Variants in FRMD4B observed in about 807,000 individuals in gnomAD.
FRMD4B encodes the protein FERM domain-containing protein 4B.
Under a neutral mutation model 141.5 loss-of-function variants are expected in FRMD4B, and 74 were observed. That is an observed-to-expected ratio of 0.52 (90% CI 0.43 to 0.63). FRMD4B has a LOEUF of 0.63. FRMD4B is among the 30% of genes least tolerant of loss of function. The pLI is 0.00. For synonymous variants in FRMD4B, 506 were observed against 467.9 expected, an observed-to-expected ratio of 1.08 and a Z score of -1.05; for missense variants, 1,366 against 1,253.4, an observed-to-expected ratio of 1.09 and a Z score of -1.36.
intron 4 of FRMD4B, 136 bp downstream of exon 4, chr3:69,302,207 T>G: frequency 3.1e-6 from 2 of 635,866 alleles, no homozygotes; most frequent in South Asian, 3.8e-5. Flanking sequence ...CACATGATAA[T>G]GTTTTGATAG....
chr3:69,286,936 C>A (rs988973508), intron 5 of FRMD4B, among the ~76,000 whole-genome samples: 7 of 152,184 alleles, frequency 4.6e-5, no homozygotes, highest in African/African-American at 1.7e-4. Flanking sequence ...TCCCGAGTAG[C>A]TGGGATTACA....
chr3:69,266,945 G>A (rs2093564870), intron 5 of FRMD4B, among the ~76,000 whole-genome samples: 1 of 152,198 alleles, frequency 6.6e-6, no homozygotes, highest in South Asian at 2.1e-4. Context: ...ACCTCCTTGT[G>A]AGATGCAACT....
At chr3:69,485,393 G>T (rs1039662670) in intron 1 of FRMD4B, among the ~76,000 whole-genome samples, 3 of 152,142 alleles carry the variant, frequency 2.0e-5, no homozygotes, top group African/African-American at 4.8e-5. Context: ...GCACCAGGGT[G>T]GGGGGCTCCT....
intron 5 of FRMD4B, among the ~76,000 whole-genome samples, chr3:69,275,425 A>ATT (rs2093613090): frequency 1.7e-5 from 2 of 120,312 alleles, no homozygotes; most frequent in African/African-American, 3.0e-5. Context: ...AAATGTTTTT[A>ATT]TTCTCTCTCT....
At chr3:69,358,849 TA>T in intron 1 of FRMD4B, among the ~76,000 whole-genome samples, 1 of 152,226 alleles carries the variant, frequency 6.6e-6, no homozygotes. Context: ...GGGCTTCTAA[TA>T]AAAGATAAGT....
chr3:69,512,321 G>A (rs1017386245), intron 1 of FRMD4B, among the ~76,000 whole-genome samples: 18 of 152,248 alleles, frequency 1.2e-4, no homozygotes, highest in African/African-American at 4.3e-4. Context: ...GGCAAACAAA[G>A]AAGAAAGCCA....
At chr3:69,460,377 A>G (rs7627841) in intron 1 of FRMD4B, among the ~76,000 whole-genome samples, 101,402 of 152,002 alleles carry the variant, frequency 0.67, 34,499 homozygotes, top group East Asian at 0.84. Context: ...ACGGTGATGC[A>G]GTAGGAAGAT....
chr3:69,189,425 A>G (rs1001294590), intron 18 of FRMD4B, among the ~76,000 whole-genome samples: 3 of 152,084 alleles, frequency 2.0e-5, no homozygotes, highest in African/African-American at 7.2e-5. Flanking sequence ...TAAAACATAC[A>G]ATGATTTTAT....
chr3:69,355,121 T>G (rs765638803), intron 1 of FRMD4B, among the ~76,000 whole-genome samples: 5 of 151,948 alleles, frequency 3.3e-5, no homozygotes, highest in Non-Finnish European at 5.9e-5. Flanking sequence ...TGGGCAGAAG[T>G]GGAGATGCTG....
intron 1 of FRMD4B, among the ~76,000 whole-genome samples, chr3:69,487,311 A>T (rs1303960983): frequency 3.3e-5 from 5 of 152,254 alleles, no homozygotes; most frequent in Admixed American, 3.3e-4. Context: ...CCTTTAGATG[A>T]CACTGAGAAA....
At chr3:69,299,123 G>C (rs1267538392) in intron 4 of FRMD4B, among the ~76,000 whole-genome samples, 1 of 151,892 alleles carries the variant, frequency 6.6e-6, no homozygotes, top group Admixed American at 6.6e-5. Context: ...ACCTAGAATG[G>C]GGCAGAACAC....
At chr3:69,395,374 G>T (rs963582899) in intron 2 of FRMD4B, among the ~76,000 whole-genome samples, 7 of 151,942 alleles carry the variant, frequency 4.6e-5, no homozygotes, top group African/African-American at 1.7e-4. Context: ...TACTACCTAG[G>T]TGTACATAGT....
chr3:69,255,933 G>C (rs1424161216), intron 5 of FRMD4B, among the ~76,000 whole-genome samples: 1 of 152,108 alleles, frequency 6.6e-6, no homozygotes, highest in Non-Finnish European at 1.5e-5. Context: ...TTCAAAAATT[G>C]ACAAGAATGA....
chr3:69,375,428 A>G (rs1703946991), intron 1 of FRMD4B, among the ~76,000 whole-genome samples: 1 of 152,140 alleles, frequency 6.6e-6, no homozygotes, highest in Admixed American at 6.5e-5. Context: ...TTTTATAACC[A>G]TCCCAAGAAA....
chr3:69,334,719 A>G (rs773889133), intron 1 of FRMD4B, among the ~76,000 whole-genome samples: 2 of 152,178 alleles, frequency 1.3e-5, no homozygotes, highest in African/African-American at 4.8e-5. Flanking sequence ...TCCAAATCTT[A>G]GCTCCACTGC....
chr3:69,335,641 C>T (rs976142519), intron 1 of FRMD4B, among the ~76,000 whole-genome samples: 14 of 151,706 alleles, frequency 9.2e-5, no homozygotes, highest in Admixed American at 2.6e-4. Flanking sequence ...TAAGGAGCCT[C>T]TCTAGACAAT....
intron 1 of FRMD4B, among the ~76,000 whole-genome samples, chr3:69,369,777 C>A (rs1703773947): frequency 6.6e-6 from 1 of 152,066 alleles, no homozygotes; most frequent in Admixed American, 6.6e-5. Flanking sequence ...TGTATCCTGA[C>A]CAAAATTGTT....
intron 2 of FRMD4B, among the ~76,000 whole-genome samples, chr3:69,397,041 C>T (rs1367169153): frequency 6.6e-6 from 1 of 152,128 alleles, no homozygotes; most frequent in African/African-American, 2.4e-5. Flanking sequence ...CGTATGTTCA[C>T]ACACACAAAT....
chr3:69,222,868 TA>T (rs1333785686), intron 8 of FRMD4B, among the ~76,000 whole-genome samples: 1 of 152,208 alleles, frequency 6.6e-6, no homozygotes, highest in Admixed American at 6.6e-5. Flanking sequence ...ATAATACACA[TA>T]AAATAATGAT....
Sources: allele counts gnomAD v4.1 joint callset (sites outside exome capture counted in the v4.1 genomes callset), GRCh38; gene constraint gnomAD v4.1.1; transcripts MANE v1.5; gene names NCBI Gene and HGNC (gene_info 2026-07-23, HGNC 2026-07-21).